PLPP1: variants seen among roughly 807,000 people sequenced by gnomAD.
PLPP1 encodes the protein lipid phosphate phosphohydrolase 1a.
In PLPP1, 24 loss-of-function variants were observed where a neutral mutation model predicts 31.2. The ratio of observed to expected loss-of-function variants is 0.77; its 90% CI spans 0.56 to 1.08. PLPP1 has a LOEUF of 1.08. PLPP1 is among the 50% of genes least tolerant of loss of function. The pLI is 0.00. For missense variants in PLPP1, 319 were observed against 342.7 expected (o/e 0.93, Z 0.55); for synonymous variants, 146 against 126.3 (o/e 1.16, Z -1.05).
Position 55,475,302 on chromosome 5 carries a change from G to A in PLPP1, c.207C>T (p.Ile69=), listed in dbSNP as rs368958770. 30 of 1,603,914 alleles carry A rather than the reference G, an allele frequency of 1.9e-5. No homozygotes were observed. In the Admixed American group the frequency reaches 2.6e-4, roughly 14 times the overall value. Residue 69 remains isoleucine (I), a synonymous_variant, in exon 2 of 6, where the codon ATC becomes ATT. Transcript: ENST00000307259. The stretch of plus-strand genomic sequence containing the variant: ...TGGAAAAGTGGATTTAACTTACAAC[G>A]ATAATACTGAATGGAATGATTATTC... ...LGGIIIPFSI[I]VIILGETLSV... is the part of the protein sequence containing the mutation.
At chr5:55,485,975 G>C (rs1752767648) in intron 1 of PLPP1, among the ~76,000 whole-genome samples, 1 of 151,892 alleles carries the variant, frequency 6.6e-6, no homozygotes, top group Admixed American at 6.6e-5. Context: ...ATTCCTTCCA[G>C]TATAATTTAT....
chr5:55,485,700 C>T (rs893804637), intron 1 of PLPP1, among the ~76,000 whole-genome samples: 6 of 151,858 alleles, frequency 4.0e-5, no homozygotes, highest in African/African-American at 1.2e-4. Flanking sequence ...ATATAAGAGA[C>T]CAAATGAAAA....
chr5:55,523,360 CCCA>C (rs1367364826), intron 1 of PLPP1, among the ~76,000 whole-genome samples: 6 of 151,862 alleles, frequency 4.0e-5, no homozygotes, highest in African/African-American at 1.5e-4. Context: ...ATCAACCATC[CCCA>C]CTTCACCCTC....
chr5:55,498,050 A>G (rs1753040874), intron 1 of PLPP1, among the ~76,000 whole-genome samples: 1 of 152,148 alleles, frequency 6.6e-6, no homozygotes, highest in Non-Finnish European at 1.5e-5. Context: ...ACAGAAGGTA[A>G]AGCCAGTTGG....
At chr5:55,442,982 GTAAGAA>G (rs1751659551) in intron 3 of PLPP1, among the ~76,000 whole-genome samples, 1 of 151,296 alleles carries the variant, frequency 6.6e-6, no homozygotes, top group Admixed American at 6.6e-5. Flanking sequence ...TTTTCCCTAC[GTAAGAA>G]TAAGAACAAA....
At chr5:55,490,453 A>T (rs1342853215) in intron 1 of PLPP1, among the ~76,000 whole-genome samples, 1 of 151,882 alleles carries the variant, frequency 6.6e-6, no homozygotes, top group African/African-American at 2.4e-5. Context: ...CCTGGCCAAT[A>T]GTGACATATC....
chr5:55,468,274 G>A (rs1752347425), intron 2 of PLPP1, 125 bp from the exon 3 acceptor site: 2 of 876,186 alleles, frequency 2.3e-6, no homozygotes, highest in Middle Eastern at 3.6e-4. Context: ...AACAGTCCCA[G>A]CCCCTTTTTT....
At chr5:55,439,536 T>C (rs1751572605) in intron 4 of PLPP1, among the ~76,000 whole-genome samples, 1 of 152,212 alleles carries the variant, frequency 6.6e-6, no homozygotes, top group African/African-American at 2.4e-5. Flanking sequence ...TCTAAAGTTG[T>C]TCTTTTAACA....
intron 1 of PLPP1, among the ~76,000 whole-genome samples, chr5:55,529,828 G>A (rs1315100432): frequency 6.6e-6 from 1 of 152,006 alleles, no homozygotes; most frequent in East Asian, 1.9e-4. Flanking sequence ...GTAAATGGGA[G>A]GAATGTACCA....
intron 1 of PLPP1, among the ~76,000 whole-genome samples, chr5:55,532,913 G>A (rs1026104644): frequency 4.1e-5 from 6 of 147,314 alleles, no homozygotes; most frequent in Non-Finnish European, 5.9e-5. Flanking sequence ...CCAAGATCGC[G>A]CCACTGCACT....
In PLPP1 at chr5:55,468,135, T is replaced by A. The variant is rs1752344595; in HGVS notation, c.225A>T (p.Glu75Asp). The change falls in exon 3 of 6, where the codon GAA becomes GAT. Residue 75 changes from glutamate to aspartate, a missense_variant. Glu to Asp is a conservative substitution (Grantham distance 45). Transcript: ENST00000307259. ...AAAGGTTACAGTAAACAGACAGGGTTTCTCCAAGAATAATCTGAAAAAGAA... is the reference window on the plus strand; with the variant it reads ...AAAGGTTACAGTAAACAGACAGGGTATCTCCAAGAATAATCTGAAAAAGAA... Reference protein sequence around the residue: ...PFSIIVIILGETLSVYCNLLH... With the variant: ...PFSIIVIILGDTLSVYCNLLH... 4 of 1,595,184 alleles carry A rather than the reference T, an allele frequency of 2.5e-6. No individual in the cohort carries two copies. The highest frequency in any genetic ancestry group is 3.4e-6 in the Non-Finnish European group (4 of 1,169,452).
At chr5:55,517,402 G>A (rs556061835) in intron 1 of PLPP1, among the ~76,000 whole-genome samples, 8 of 152,138 alleles carry the variant, frequency 5.3e-5, no homozygotes, top group African/African-American at 1.7e-4. Flanking sequence ...TTGCCATGTT[G>A]CCCAGGCTGG....
intron 1 of PLPP1, chr5:55,530,616 A>C (rs1031648028): frequency 1.3e-5 from 20 of 1,542,510 alleles, no homozygotes; most frequent in Non-Finnish European, 1.8e-5. Context: ...ATAGAATTTA[A>C]TCTGTTTTGC....
intron 1 of PLPP1, among the ~76,000 whole-genome samples, chr5:55,522,270 G>A (rs1753686786): frequency 6.6e-6 from 1 of 152,220 alleles, no homozygotes. Flanking sequence ...GCTATTTGAA[G>A]AAAAAGTCTG....
At chr5:55,483,527 C>T (rs1221713000) in intron 1 of PLPP1, among the ~76,000 whole-genome samples, 4 of 151,918 alleles carry the variant, frequency 2.6e-5, no homozygotes, top group Non-Finnish European at 2.9e-5. Flanking sequence ...CAAAAATTAG[C>T]CAGGCATGGT....
At chr5:55,442,957 G>A (rs79846837) in intron 3 of PLPP1, among the ~76,000 whole-genome samples, 3,249 of 151,820 alleles carry the variant, frequency 0.021, 42 homozygotes, top group Non-Finnish European at 0.032. Flanking sequence ...TAACTAGAAT[G>A]CATCTCCCAA....
chr5:55,467,905 A>C lies in PLPP1; in HGVS notation c.455T>G (p.Ile152Arg), dbSNP rs757692430. The change falls in exon 3 of 6, where the codon ATA becomes AGA. Residue 152 changes from isoleucine to arginine, a missense_variant. Transcript: ENST00000307259. ...AACTCTTTCTGCATTCCCTCGACAT[A>C]TGTAGTATTCAATGTAACCATCGCT... is the stretch of plus-strand genomic sequence containing the variant. ...NCSDGYIEYY[I>R]CRGNAERVKE... The C allele has an allele frequency of 1.2e-6, 2 of 1,614,102 alleles. No individual in the cohort carries two copies. Among genetic ancestry groups the C allele is most frequent in the Non-Finnish European group, 1.7e-6 (2 of 1,179,998 alleles).
chr5:55,497,026 TAA>T (rs1000942638), intron 1 of PLPP1, among the ~76,000 whole-genome samples: 21 of 152,266 alleles, frequency 1.4e-4, no homozygotes, highest in Middle Eastern at 3.4e-3. Context: ...ATCAAGTTAT[TAA>T]AGTGACTACA....
chr5:55,478,939 GCCA>G (rs1473746735), intron 1 of PLPP1, among the ~76,000 whole-genome samples: 1 of 151,952 alleles, frequency 6.6e-6, no homozygotes, highest in Non-Finnish European at 1.5e-5. Flanking sequence ...AAAAGAGGCT[GCCA>G]CCACCAAAGG....
Sources: gnomAD v4.1 joint callset for allele counts (sites outside exome capture counted in the v4.1 genomes callset) on GRCh38, gnomAD v4.1.1 for gene constraint, MANE v1.5 for transcripts, NCBI Gene and HGNC (gene_info 2026-07-23, HGNC 2026-07-21) for gene names.